Variants in PCDHGB7 observed in about 807,000 individuals in gnomAD.
The protein encoded by PCDHGB7 is protocadherin gamma-B7.
A neutral mutation model predicts 61.4 loss-of-function variants in PCDHGB7; 37 were observed. That is an observed-to-expected ratio of 0.60 (90% CI 0.46 to 0.79). The LOEUF is 0.79. Ranked by LOEUF, PCDHGB7 falls within the 30% of genes least tolerant of loss-of-function variation. The pLI is 0.00. For synonymous variants in PCDHGB7, 464 were observed against 503.5 expected (o/e 0.92, Z 1.05); for missense variants, 1,166 against 1,202.5 (o/e 0.97, Z 0.45).
In PCDHGB7 at chr5:141,485,101, T is replaced by C; in HGVS notation, c.2416-9706T>C. On this transcript the variant is annotated intron_variant, in intron 1 of 3. Coordinates refer to ENST00000398594, the MANE Select transcript of PCDHGB7 (RefSeq NM_018927.4). The surrounding 1 kb of genome is among the most constrained non-coding windows in gnomAD (Gnocchi z 5.7). ...GGAAAGGGAGATAGGTGTCTCCAGC[T>C]GCTGTGGCTGTTTGGGGCGGGTCGG... 1 of 1,158,208 alleles carries C rather than the reference T, an allele frequency of 8.6e-7. No homozygotes were observed. Among genetic ancestry groups the C allele is most frequent in the South Asian group, 1.4e-5 (1 of 72,622 alleles). The allele number at this position is 1,158,208 out of a possible 1,614,324, so 71.7% of individuals were successfully genotyped here.
rs553587727 is a variant in PCDHGB7, at chr5:141,419,523, G to A, written c.1664G>A (p.Arg555His). The A allele has an allele frequency of 2.1e-4, 343 of 1,612,204 alleles. 3 individuals are homozygous for A. The South Asian group carries it at 3.5e-3, about 17-fold the overall frequency. ...AGCCTGCGCGTGTTGGTGGGCGACC[G>A]TAACGACAACGCACCGCGGGTGCTG... ...NVSLRVLVGD[R>H]NDNAPRVLYP... The change falls in exon 1 of 4, where the codon CGT (arginine) becomes CAT (histidine). Residue 555 changes from arginine to histidine, a missense_variant. By Grantham distance (29) the Arg-to-His change is conservative. Coordinates refer to ENST00000398594, the MANE Select transcript of PCDHGB7 (RefSeq NM_018927.4).
intron 1 of PCDHGB7, chr5:141,427,971 C>A (rs764145525): frequency 1.3e-6 from 2 of 1,593,630 alleles, no homozygotes; most frequent in Non-Finnish European, 1.7e-6. Flanking sequence ...GGTGCTGTAC[C>A]CCGCGCTGGG....
rs760509503 is a variant in PCDHGB7 at position 141,432,756 on chromosome 5, A to T, written c.2415+12482A>T. The T allele has an allele frequency of 5.6e-6, 9 of 1,613,958 alleles. No homozygotes were observed. Among genetic ancestry groups the T allele is most frequent in the Non-Finnish European group, 7.6e-6 (9 of 1,179,994 alleles). On this transcript the variant is annotated intron_variant, in intron 1 of 3. Transcript: ENST00000398594. This position sits in a 1 kb window ranked among gnomAD's most constrained non-coding sequence, Gnocchi z 6.0. ...GTCACGCTCACCGTGGCCGTGGCCG[A>T]CAGCATCCCCCAAGTCCTGGCGGAC...
intron 1 of PCDHGB7, among the ~76,000 whole-genome samples, chr5:141,457,187 G>A (rs1314148733): frequency 1.3e-5 from 2 of 152,210 alleles, no homozygotes; most frequent in Admixed American, 1.3e-4. Flanking sequence ...ATAGTAGAGT[G>A]AGGAAAGCAG....
intron 2 of PCDHGB7, among the ~76,000 whole-genome samples, chr5:141,503,085 C>T (rs1284066265): frequency 6.6e-6 from 1 of 152,044 alleles, no homozygotes; most frequent in Non-Finnish European, 1.5e-5. Context: ...GATCTCCTGA[C>T]CTCGTGGTCT....
intron 1 of PCDHGB7, chr5:141,423,754 G>C: frequency 1.7e-6 from 1 of 577,836 alleles, no homozygotes. Flanking sequence ...ACTGTTTGGG[G>C]GGGGGGTGGG....
chr5:141,430,657 A>G (rs2097300740), intron 1 of PCDHGB7: 1 of 1,093,240 alleles, frequency 9.1e-7, no homozygotes, highest in African/African-American at 1.6e-5. Flanking sequence ...GAAACAACGG[A>G]GGAGCTCTGA....
Position 141,431,303 on chromosome 5 carries a change from G to A in PCDHGB7, c.2415+11029G>A, listed in dbSNP as rs777784010. 2 of 1,613,942 alleles carry A rather than the reference G, an allele frequency of 1.2e-6. No homozygotes were observed. The highest frequency in any genetic ancestry group is 2.7e-5 in the African/African-American group (2 of 74,916). ...CCCGAACACTCACTTCTCCCTCATC[G>A]TGCAAAATGGAGCCGACGGTAGTAA... On this transcript the variant is annotated intron_variant, in intron 1 of 3. Transcript: ENST00000398594. The surrounding 1 kb of genome is among the most constrained non-coding windows in gnomAD (Gnocchi z 4.8).
In PCDHGB7 at chr5:141,490,594, C is replaced by A. The variant is rs1276468877; in HGVS notation, c.2416-4213C>A. The A allele has an allele frequency of 2.5e-6, 4 of 1,614,056 alleles. No individual in the cohort carries two copies. The highest frequency in any genetic ancestry group is 1.6e-4 in the Middle Eastern group (1 of 6,084). On this transcript the variant is annotated intron_variant, in intron 1 of 3. Transcript: ENST00000398594. The surrounding 1 kb of genome is among the most constrained non-coding windows in gnomAD (Gnocchi z 5.4). ...CATTTCAGATGTCAATGACAATGCA[C>A]CCCGCTTCAACCAGCAGCTTTACAC...
chr5:141,475,989 A>G, intron 1 of PCDHGB7: 1 of 1,130,622 alleles, frequency 8.8e-7, no homozygotes, highest in Non-Finnish European at 1.3e-6. Flanking sequence ...CCGGCGAGCA[A>G]ATCAACGGCA....
rs1204112062 is a variant in PCDHGB7 at position 141,420,064 on chromosome 5, C to T, written c.2205C>T (p.Ser735=). ...TTGAGTCAGTTCTCTGCTCCAAGTC[C>T]GGACCTGTGGGTCCCCCCAACTACA... The part of the protein sequence containing the change: ...DCFESVLCSK[S]GPVGPPNYSE... Residue 735 remains serine, a synonymous_variant, in exon 1 of 4, where the codon TCC becomes TCT. Coordinates refer to ENST00000398594, the MANE Select transcript of PCDHGB7 (RefSeq NM_018927.4). The T allele has an allele frequency of 6.2e-7, 1 of 1,614,052 alleles. No individual in the cohort carries two copies. The highest frequency in any genetic ancestry group is 8.5e-7 in the Non-Finnish European group (1 of 1,179,888).
chr5:141,491,291 C>A lies in PCDHGB7; in HGVS notation c.2416-3516C>A. The A allele has an allele frequency of 8.1e-6, 13 of 1,614,152 alleles. No individual in the cohort carries two copies. Among genetic ancestry groups the A allele is most frequent in the Non-Finnish European group, 1.1e-5 (13 of 1,179,974 alleles). On this transcript the variant is annotated intron_variant, in intron 1 of 3. Transcript: ENST00000398594. This position sits in a 1 kb window ranked among gnomAD's most constrained non-coding sequence, Gnocchi z 6.9. The stretch of plus-strand genomic sequence containing the variant: ...AAATCCAGTGACTTCCTCATACACC[C>A]TCCTGAGCGTTCAGACCTTACCCTT...
chr5:141,417,678 A>G lies in PCDHGB7; in HGVS notation c.-182A>G, dbSNP rs1306009640. 4.0e-6 allele frequency: 4 copies of G among 997,368 alleles called. No individual in the cohort carries two copies. The highest frequency in any genetic ancestry group is 5.7e-6 in the Non-Finnish European group (4 of 706,504). The allele number at this position is 997,368 out of a possible 1,614,324, so 61.8% of individuals were successfully genotyped here. A position where few individuals can be genotyped will look rare whatever the true frequency, so the allele number is the denominator to read the frequency against. Reference sequence around the variant, plus strand: ...CCTGGGATTCCCTGCGCAGCCAACAACAGAAAAGAAAACCAGCTCCCACAC... The same window carrying G: ...CCTGGGATTCCCTGCGCAGCCAACAGCAGAAAAGAAAACCAGCTCCCACAC... On this transcript the variant is annotated 5_prime_UTR_variant, in exon 1 of 4. Coordinates refer to ENST00000398594, the MANE Select transcript of PCDHGB7 (RefSeq NM_018927.4).
intron 1 of PCDHGB7, chr5:141,422,357 C>T: frequency 6.4e-7 from 1 of 1,557,656 alleles, no homozygotes; most frequent in South Asian, 1.3e-5. Context: ...GATCAAGATT[C>T]TGGAGAAAAT....
chr5:141,476,328 G>C lies in PCDHGB7; in HGVS notation c.2416-18479G>C, dbSNP rs1381722714. On this transcript the variant is annotated intron_variant, in intron 1 of 3. Coordinates refer to ENST00000398594, the MANE Select transcript of PCDHGB7 (RefSeq NM_018927.4). This position sits in a 1 kb window ranked among gnomAD's most constrained non-coding sequence, Gnocchi z 7.6. Reference sequence around the variant, plus strand: ...GCCCGCAGGTTCCGGGTGGTGTCTGGAGCTAGCCGAAGATTCTTTGAGGTG... The same window carrying C: ...GCCCGCAGGTTCCGGGTGGTGTCTGCAGCTAGCCGAAGATTCTTTGAGGTG... 1 of 1,614,176 alleles carries C rather than the reference G, an allele frequency of 6.2e-7. No individual in the cohort carries two copies. Among genetic ancestry groups the C allele is most frequent in the East Asian group, 2.2e-5 (1 of 44,864 alleles).
At chr5:141,445,257 A>G (rs1253126709) in intron 1 of PCDHGB7, among the ~76,000 whole-genome samples, 3 of 152,152 alleles carry the variant, frequency 2.0e-5, no homozygotes, top group African/African-American at 2.4e-5. Context: ...GTGTGAGAAT[A>G]TAAGTCGAAA....
Position 141,487,421 on chromosome 5 carries a change from C to T in PCDHGB7, c.2416-7386C>T. ...GGGGCTTCCCCCTTCCAATGGGATC[C>T]TCCGAATCCAGCTAGGGTCAGATGA... On this transcript the variant is annotated intron_variant, in intron 1 of 3. Coordinates refer to ENST00000398594, the MANE Select transcript of PCDHGB7 (RefSeq NM_018927.4). This position sits in a 1 kb window ranked among gnomAD's most constrained non-coding sequence, Gnocchi z 5.0. The T allele has an allele frequency of 6.2e-7, 1 of 1,614,144 alleles. No homozygotes were observed. The highest frequency in any genetic ancestry group is 1.1e-5 in the South Asian group (1 of 91,082).
chr5:141,437,938 A>G (rs1042890704), intron 1 of PCDHGB7, among the ~76,000 whole-genome samples: 4 of 152,132 alleles, frequency 2.6e-5, no homozygotes, highest in African/African-American at 9.7e-5. Flanking sequence ...GGGTTTCACC[A>G]TATTGGCCAG....
chr5:141,423,895 G>T, intron 1 of PCDHGB7: 1 of 1,277,758 alleles, frequency 7.8e-7, no homozygotes, highest in Non-Finnish European at 9.9e-7. Flanking sequence ...ATTTTCTTTT[G>T]ATTTCAAAGG....
Sources: gnomAD v4.1 joint callset for allele counts (sites outside exome capture counted in the v4.1 genomes callset) on GRCh38, gnomAD v4.1.1 for gene constraint, Gnocchi (gnomAD v3.1) non-coding constraint, MANE v1.5 for transcripts, NCBI Gene and HGNC (gene_info 2026-07-23, HGNC 2026-07-21) for gene names.